Variants in TCTN2 observed in about 807,000 individuals in gnomAD.
The protein encoded by TCTN2 is tectonic family member 2.
Under a neutral mutation model 83.4 loss-of-function variants are expected in TCTN2, and 66 were observed. The ratio of observed to expected loss-of-function variants is 0.79; its 90% confidence interval spans 0.65 to 0.97. The LOEUF is 0.97. Ranked by LOEUF, TCTN2 falls within the 50% of genes least tolerant of loss-of-function variation. The pLI is 0.00. For missense variants in TCTN2, 794 were observed against 858.1 expected (o/e 0.93, Z 0.93); for synonymous variants, 301 against 326.7 (o/e 0.92, Z 0.85).
intron 13 of TCTN2, among the ~76,000 whole-genome samples, chr12:123,697,552 T>G (rs1480204728): frequency 6.6e-6 from 1 of 152,170 alleles, no homozygotes; most frequent in Non-Finnish European, 1.5e-5. Context: ...TAGGCTGGAG[T>G]GCAGTGGTGC....
chr12:123,686,536 T>C (rs1955969419), intron 5 of TCTN2, among the ~76,000 whole-genome samples: 1 of 152,230 alleles, frequency 6.6e-6, no homozygotes, highest in South Asian at 2.1e-4. Context: ...TGAGATCTAT[T>C]CTGTACTATC....
chr12:123,708,181 C>T lies in TCTN2; in HGVS notation c.*468C>T, dbSNP rs7398298. 0.35 allele frequency: 65,488 copies of T among 184,856 alleles called. 12,254 individuals are homozygous for T. The highest frequency in any genetic ancestry group is 0.41 in the African/African-American group (17,045 of 41,400). 11.5% of individuals were successfully genotyped at this position (184,856 alleles called of 1,614,324 possible). On this transcript the variant is annotated 3_prime_UTR_variant, in exon 18 of 18. Coordinates refer to ENST00000303372, the MANE Select transcript of TCTN2 (RefSeq NM_024809.5). ...TGCCTGGCTGTATTTTTGGTAAAGA[C>T]GGGGTTTCGCCTTGTTGCCCAGGGT...
intron 4 of TCTN2, among the ~76,000 whole-genome samples, chr12:123,676,607 G>A (rs1955826298): frequency 6.9e-6 from 1 of 144,914 alleles, no homozygotes; most frequent in Admixed American, 7.0e-5. Flanking sequence ...ATATGCTTCA[G>A]TATATTTAGG....
intron 14 of TCTN2, among the ~76,000 whole-genome samples, chr12:123,701,539 G>C (rs988041923): frequency 2.6e-5 from 4 of 151,764 alleles, no homozygotes; most frequent in Admixed American, 6.6e-5. Flanking sequence ...GAGATCGAGA[G>C]CATCCTGCCT....
rs1258694768 is a variant in TCTN2 at position 123,695,195 on chromosome 12, ATATTT to A, written c.1235-18_1235-14del. 5 of 1,486,114 alleles carry A rather than the reference ATATTT, an allele frequency of 3.4e-6. No homozygotes were observed. The African/African-American group carries it at 5.5e-5, about 16-fold the overall frequency. 92.1% of individuals were successfully genotyped at this position (1,486,114 alleles called of 1,614,324 possible). A position where few individuals can be genotyped will look rare whatever the true frequency, so the allele number is the denominator to read the frequency against. Reference sequence around the variant, plus strand: ...TTTTCCTAGTGAAATGGTGCACATTATATTTTATTTTGTTTTATTTCTAGGGATAA... The same window carrying A: ...TTTTCCTAGTGAAATGGTGCACATTATATTTTGTTTTATTTCTAGGGATAA... On this transcript the variant is annotated intron_variant, in intron 10 of 17. Coordinates refer to ENST00000303372, the MANE Select transcript of TCTN2 (RefSeq NM_024809.5).
rs911785066 is a variant in TCTN2, at chr12:123,696,600, G to T, written c.1393+105G>T. ...CAATCAATTATTTTAAAGCCTAGTT[G>T]GTTTATTTAGCAGAGAGGTACATGC... On this transcript the variant is annotated intron_variant, in intron 12 of 17. Coordinates refer to ENST00000303372, the MANE Select transcript of TCTN2 (RefSeq NM_024809.5). 6.5e-6 allele frequency: 7 copies of T among 1,069,192 alleles called. No individual in the cohort carries two copies. In the African/African-American group the frequency reaches 9.4e-5, roughly 14 times the overall value. 66.2% of individuals were successfully genotyped at this position (1,069,192 alleles called of 1,614,324 possible).
intron 14 of TCTN2, among the ~76,000 whole-genome samples, chr12:123,701,073 A>T (rs1956166946): frequency 6.6e-6 from 1 of 152,238 alleles, no homozygotes; most frequent in Non-Finnish European, 1.5e-5. Flanking sequence ...TTGAGAATTG[A>T]CTTTGTAATT....
chr12:123,682,388 C>T (rs1459639519), intron 5 of TCTN2, among the ~76,000 whole-genome samples: 3 of 152,138 alleles, frequency 2.0e-5, no homozygotes, highest in Non-Finnish European at 4.4e-5. Context: ...TACCCTTCAC[C>T]CGTGTTTTAA....
At chr12:123,701,581 T>TA (rs11310002) in intron 14 of TCTN2, among the ~76,000 whole-genome samples, 73 of 146,172 alleles carry the variant, frequency 5.0e-4, no homozygotes, top group African/African-American at 1.7e-3. Context: ...CTACTAAAAA[T>TA]AAAAAAAAAA....
At chr12:123,697,974 C>T (rs1446813147) in intron 13 of TCTN2, among the ~76,000 whole-genome samples, 1 of 151,894 alleles carries the variant, frequency 6.6e-6, no homozygotes. Flanking sequence ...TGGTCCTCCA[C>T]CTGCCTTGGC....
chr12:123,687,573 C>T (rs1955987603), intron 6 of TCTN2, among the ~76,000 whole-genome samples: 1 of 152,160 alleles, frequency 6.6e-6, no homozygotes, highest in Non-Finnish European at 1.5e-5. Flanking sequence ...AGGAGAATGG[C>T]CTGAACCCGG....
chr12:123,695,158 G>C lies in TCTN2; in HGVS notation c.1235-62G>C, dbSNP rs1956092230. ...ATGCAATTTTAAGGTAAACACTATG[G>C]AGAATAATTTCTTTTCCTAGTGAAA... On this transcript the variant is annotated intron_variant, in intron 10 of 17. Coordinates refer to ENST00000303372, the MANE Select transcript of TCTN2 (RefSeq NM_024809.5). 6.5e-6 allele frequency: 9 copies of C among 1,388,090 alleles called. No homozygotes were observed. In the East Asian group the frequency reaches 1.8e-4, roughly 28 times the overall value. The allele number at this position is 1,388,090 out of a possible 1,614,324, so 86.0% of individuals were successfully genotyped here. A position where few individuals can be genotyped will look rare whatever the true frequency, so the allele number is the denominator to read the frequency against.
intron 5 of TCTN2, among the ~76,000 whole-genome samples, chr12:123,679,696 C>T (rs1019510945): frequency 6.7e-6 from 1 of 148,556 alleles, no homozygotes; most frequent in African/African-American, 2.5e-5. Flanking sequence ...TCTTCCAAAA[C>T]TGAGATTATG....
intron 9 of TCTN2, 59 bp downstream of exon 9, chr12:123,692,782 A>T (rs745701585): frequency 8.6e-6 from 11 of 1,281,716 alleles, no homozygotes; most frequent in Admixed American, 1.7e-5. Context: ...ATTTCTTACA[A>T]GTAATATATA....
At chr12:123,702,196 C>T (rs1443565777) in intron 14 of TCTN2, among the ~76,000 whole-genome samples, 2 of 152,098 alleles carry the variant, frequency 1.3e-5, no homozygotes, top group African/African-American at 4.8e-5. Flanking sequence ...CCTTTTGGGA[C>T]CAGAAAGAGC....
At position 123,690,687 on chromosome 12, in the gene TCTN2, T is replaced by A. The variant is rs368148687; in HGVS notation, c.1033+13T>A. On this transcript the variant is annotated intron_variant, in intron 8 of 17. Coordinates refer to ENST00000303372, the MANE Select transcript of TCTN2 (RefSeq NM_024809.5). ...GTTGCCTTAGGAGGTATGTTACATT[T>A]CTTTGAAAAAAGAACACAGGCCCAA... 31 of 1,613,964 alleles carry A rather than the reference T, an allele frequency of 1.9e-5. 1 individual carries two copies. Among genetic ancestry groups the A allele is most frequent in the Middle Eastern group, 3.4e-4 (2 of 5,966 alleles).
At position 123,680,703 on chromosome 12, in the gene TCTN2, G is replaced by A. The variant is rs1412931422; in HGVS notation, c.564+1414G>A. ...GGCTAATTTTTGTATTTTTAGTAGA[G>A]GCGGGGTTTCACCATGTTGGCCAGG... On this transcript the variant is annotated intron_variant, in intron 5 of 17. Transcript: ENST00000303372. Among the ~76,000 whole-genome samples the A allele has an allele frequency of 2.6e-5, 4 of 151,168 alleles. No homozygotes were observed. In the East Asian group the frequency reaches 8.1e-4, roughly 30 times the overall value.
chr12:123,706,630 C>T (rs1956232631), intron 15 of TCTN2, 96 bp from the exon 16 acceptor site: 1 of 1,590,418 alleles, frequency 6.3e-7, no homozygotes, highest in African/African-American at 1.3e-5. Context: ...CTTAGGAGAA[C>T]CTCAGGTTAT....
intron 5 of TCTN2, among the ~76,000 whole-genome samples, chr12:123,682,229 C>T (rs2135827682): frequency 6.6e-6 from 1 of 152,334 alleles, no homozygotes; most frequent in East Asian, 1.9e-4. Flanking sequence ...GCCTCAGCCT[C>T]CCAAAGTGCA....
Sources: gnomAD v4.1 joint callset for allele counts (sites outside exome capture counted in the v4.1 genomes callset) on GRCh38, gnomAD v4.1.1 for gene constraint, MANE v1.5 for transcripts, NCBI Gene and HGNC (gene_info 2026-07-23, HGNC 2026-07-21) for gene names.